Variants in PPP6R3 observed in about 807,000 individuals in gnomAD.
PPP6R3 encodes the protein protein phosphatase 6 regulatory subunit 3.
Under a neutral mutation model 110.7 loss-of-function variants are expected in PPP6R3, and 38 were observed. The ratio of observed to expected loss-of-function variants is 0.34; its 90% CI spans 0.26 to 0.45. The LOEUF (loss-of-function observed/expected upper bound fraction) is 0.45, where lower values mean the gene tolerates loss of function less well. Ranked by LOEUF, PPP6R3 falls within the 20% of genes least tolerant of loss-of-function variation. The pLI, the probability that PPP6R3 is intolerant of heterozygous loss-of-function variation, is 1.00. For missense variants in PPP6R3, 870 were observed against 1,062.4 expected (o/e 0.82, Z 2.52); for synonymous variants, 369 against 373.5 (o/e 0.99, Z 0.14).
Position 68,600,397 on chromosome 11 carries a change from T to C in PPP6R3, c.2095T>C (p.Leu699=), listed in dbSNP as rs2153933417. The C allele has an allele frequency of 3.1e-6, 5 of 1,614,120 alleles. No homozygotes were observed. Among genetic ancestry groups the C allele is most frequent in the Non-Finnish European group, 4.2e-6 (5 of 1,179,972 alleles). Residue 699 remains leucine (L), a synonymous_variant, in exon 20 of 24, where the codon TTG becomes CTG. Transcript: ENST00000393800. ...VPMETTHGAP[L]DSVGSDVWST... Reference sequence around the variant, plus strand: ...AATGGAAACAACCCACGGTGCTCCATTGGATTCTGTGGGATCTGATGTCTG... The same window carrying C: ...AATGGAAACAACCCACGGTGCTCCACTGGATTCTGTGGGATCTGATGTCTG...
chr11:68,518,354 T>G (rs1384997925), intron 1 of PPP6R3, among the ~76,000 whole-genome samples: 1 of 152,228 alleles, frequency 6.6e-6, no homozygotes, highest in Non-Finnish European at 1.5e-5. Flanking sequence ...GTAGTACTAC[T>G]GCCAGAAGCA....
At chr11:68,550,855 C>T in intron 5 of PPP6R3, 2 of 354,570 alleles carry the variant, frequency 5.6e-6, no homozygotes, top group Non-Finnish European at 1.0e-5. Context: ...TGGAGGTGAC[C>T]TCATGGCTAA....
chr11:68,536,109 C>T (rs1039415436), intron 2 of PPP6R3, among the ~76,000 whole-genome samples: 8 of 152,132 alleles, frequency 5.3e-5, no homozygotes, highest in South Asian at 4.1e-4. Context: ...TGTTTTCCTT[C>T]TGTTATTCCT....
chr11:68,554,998 A>G (rs1405380601), intron 7 of PPP6R3, among the ~76,000 whole-genome samples: 1 of 152,212 alleles, frequency 6.6e-6, no homozygotes, highest in Non-Finnish European at 1.5e-5. Context: ...TTAACTACCT[A>G]TAATGCCGTT....
chr11:68,471,282 CAAAA>C (rs34619002), intron 1 of PPP6R3, among the ~76,000 whole-genome samples: 3 of 57,258 alleles, frequency 5.2e-5, no homozygotes, highest in Non-Finnish European at 7.9e-5. Context: ...GATTCTGTCT[CAAAA>C]AAAAAAAAAA....
At chr11:68,554,024 G>T (rs760502167) in intron 6 of PPP6R3, 121 bp from the exon 7 acceptor site, 9 of 694,056 alleles carry the variant, frequency 1.3e-5, no homozygotes, top group African/African-American at 5.4e-5. Context: ...GACCTTTTGC[G>T]CACTGAAGCT....
chr11:68,613,150 G>A lies in PPP6R3; in HGVS notation c.*33G>A, dbSNP rs375536209. On this transcript the variant is annotated 3_prime_UTR_variant, in exon 24 of 24. Transcript: ENST00000393800. ...CGTCTGCTGCTGCTGACTGAGGACT[G>A]CAGACCGCCACCACTCAGGGGCTCT... 64 of 1,613,166 alleles carry A rather than the reference G, an allele frequency of 4.0e-5. No individual in the cohort carries two copies. The highest frequency in any genetic ancestry group is 5.3e-5 in the Non-Finnish European group (62 of 1,179,750).
chr11:68,468,565 G>T (rs2098765769), intron 1 of PPP6R3, among the ~76,000 whole-genome samples: 1 of 152,228 alleles, frequency 6.6e-6, no homozygotes. Context: ...CCTCCAAGGT[G>T]CAGTGAATGA....
At chr11:68,612,194 G>T (rs984431594) in intron 23 of PPP6R3, among the ~76,000 whole-genome samples, 1 of 152,194 alleles carries the variant, frequency 6.6e-6, no homozygotes, top group South Asian at 2.1e-4. Context: ...AGTTCCAGAA[G>T]TCTCGATTCC....
In PPP6R3 at chr11:68,544,951, C is replaced by T. The variant is rs1348224559; in HGVS notation, c.341C>T (p.Ser114Phe). Residue 114 changes from serine (S) to phenylalanine (F), a missense_variant, in exon 4 of 24, where the codon TCC becomes TTC. By Grantham distance (155) the Ser-to-Phe change is radical. Transcript: ENST00000393800. ...MKLYSFLLNDSPLNPLLASFF... is the reference protein window; with the variant it reads ...MKLYSFLLNDFPLNPLLASFF... The stretch of plus-strand genomic sequence containing the variant: ...TTATATAGCTTCCTCCTAAACGATT[C>T]CCCTTTGAATCCACTACTTGCCAGT... 2 of 1,607,514 alleles carry T rather than the reference C, an allele frequency of 1.2e-6. No homozygotes were observed. The highest frequency in any genetic ancestry group is 1.7e-5 in the Admixed American group (1 of 60,010).
intron 1 of PPP6R3, among the ~76,000 whole-genome samples, chr11:68,502,718 G>A (rs1250893989): frequency 6.6e-6 from 1 of 152,164 alleles, no homozygotes; most frequent in African/African-American, 2.4e-5. Flanking sequence ...CACAACTAGG[G>A]TGTGCCTTTT....
chr11:68,545,859 A>G lies in PPP6R3; in HGVS notation c.414+835A>G, dbSNP rs187626505. 1.5e-4 allele frequency among the ~76,000 whole-genome samples: 23 copies of G among 152,360 alleles called. No individual in the cohort carries two copies. In the East Asian group the frequency reaches 2.1e-3, roughly 14 times the overall value. ...TTTTATGGAAATAGGCACTCAGGGA[A>G]CAACTAGAGCCTCAGATATTCAAGT... On this transcript the variant is annotated intron_variant, in intron 4 of 23. Transcript: ENST00000393800.
chr11:68,514,728 G>T (rs1371558411), intron 1 of PPP6R3, among the ~76,000 whole-genome samples: 1 of 152,114 alleles, frequency 6.6e-6, no homozygotes, highest in African/African-American at 2.4e-5. Flanking sequence ...GGGATTACAG[G>T]TGTGCACCGC....
chr11:68,475,965 C>T (rs1401626273), intron 1 of PPP6R3, among the ~76,000 whole-genome samples: 1 of 150,944 alleles, frequency 6.6e-6, no homozygotes, highest in African/African-American at 2.4e-5. Context: ...AAGAGGCGCT[C>T]CTCACTTCCC....
At chr11:68,519,268 G>A (rs1043500266) in intron 1 of PPP6R3, among the ~76,000 whole-genome samples, 2 of 152,182 alleles carry the variant, frequency 1.3e-5, no homozygotes, top group African/African-American at 4.8e-5. Flanking sequence ...TATGACATCT[G>A]TATTTACTTC....
In PPP6R3 at chr11:68,554,164, A is replaced by G. The variant is rs2099390932; in HGVS notation, c.638A>G (p.Gln213Arg). ...QEEDRHSNAS[Q>R]SLCEIVRLSR... Reference sequence around the variant, plus strand: ...CTTTAGCGACATTCAAATGCATCACAATCACTTTGTGAAATTGTTCGCCTG... The same window carrying G: ...CTTTAGCGACATTCAAATGCATCACGATCACTTTGTGAAATTGTTCGCCTG... The change falls in exon 7 of 24, where the codon CAA becomes CGA. Residue 213 changes from glutamine (Q) to arginine (R), a missense_variant. Transcript: ENST00000393800. 6.2e-7 allele frequency: 1 copy of G among 1,613,006 alleles called. No individual in the cohort carries two copies. Among genetic ancestry groups the G allele is most frequent in the African/African-American group, 1.3e-5 (1 of 74,904 alleles).
intron 7 of PPP6R3, among the ~76,000 whole-genome samples, chr11:68,557,379 G>A (rs2099403543): frequency 6.6e-6 from 1 of 152,212 alleles, no homozygotes; most frequent in South Asian, 2.1e-4. Flanking sequence ...GTTGGCAAGA[G>A]GTGATCAAGG....
At chr11:68,573,732 G>A (rs949091194) in intron 12 of PPP6R3, among the ~76,000 whole-genome samples, 1 of 152,078 alleles carries the variant, frequency 6.6e-6, no homozygotes, top group African/African-American at 2.4e-5. Context: ...TCTGATTAAG[G>A]TTTGAAAAAG....
intron 15 of PPP6R3, among the ~76,000 whole-genome samples, chr11:68,584,748 AGCCCTT>A (rs1250990828): frequency 1.3e-5 from 2 of 152,234 alleles, no homozygotes; most frequent in African/African-American, 2.4e-5. Flanking sequence ...AACTTACAAC[AGCCCTT>A]GCCAAGCTCT....
Sources: gnomAD v4.1 joint callset for allele counts (sites outside exome capture counted in the v4.1 genomes callset) on GRCh38, gnomAD v4.1.1 for gene constraint, MANE v1.5 for transcripts, NCBI Gene and HGNC (gene_info 2026-07-23, HGNC 2026-07-21) for gene names.